Variants in PHF20 observed in about 807,000 individuals in gnomAD.
PHF20 encodes PHD finger protein 20, also known as glioma-expressed antigen 2.
In PHF20, 23 loss-of-function variants were observed where a neutral mutation model predicts 113.5. The observed-to-expected ratio is 0.20, with a 90% confidence interval of 0.15 to 0.29. The LOEUF (loss-of-function observed/expected upper bound fraction) is 0.29, where lower values mean the gene tolerates loss of function less well. Ranked by LOEUF, PHF20 falls within the 10% of genes least tolerant of loss-of-function variation. The pLI, the probability that PHF20 is intolerant of heterozygous loss-of-function variation, is 1.00. For missense variants in PHF20, 943 were observed against 1,219.6 expected (o/e 0.77, Z 3.38); for synonymous variants, 434 against 457.3 (o/e 0.95, Z 0.65).
intron 2 of PHF20, among the ~76,000 whole-genome samples, chr20:35,824,088 G>A (rs970803077): frequency 1.1e-4 from 17 of 152,098 alleles, no homozygotes; most frequent in African/African-American, 4.1e-4. Flanking sequence ...AAATACCAGC[G>A]AGCTGGATTG....
chr20:35,945,570 G>A (rs2147139259), intron 17 of PHF20, among the ~76,000 whole-genome samples: 1 of 152,220 alleles, frequency 6.6e-6, no homozygotes, highest in Middle Eastern at 3.4e-3. Flanking sequence ...TGATGAAGAG[G>A]TACTGGGTGG....
chr20:35,894,911 A>G (rs368489107), intron 9 of PHF20, among the ~76,000 whole-genome samples: 2 of 152,166 alleles, frequency 1.3e-5, no homozygotes, highest in Admixed American at 1.3e-4. Flanking sequence ...GCTAGAGTGC[A>G]ATGGCACAAT....
At chr20:35,889,938 A>G (rs1039332054) in intron 9 of PHF20, among the ~76,000 whole-genome samples, 7 of 152,046 alleles carry the variant, frequency 4.6e-5, no homozygotes, top group African/African-American at 1.7e-4. Context: ...CATGTTGTCC[A>G]GGCTGGTCTT....
chr20:35,836,592 C>T (rs1361903052), intron 2 of PHF20, among the ~76,000 whole-genome samples: 1 of 152,148 alleles, frequency 6.6e-6, no homozygotes, highest in South Asian at 2.1e-4. Context: ...CGCCTGTAAT[C>T]GCAGCACTTT....
intron 15 of PHF20, among the ~76,000 whole-genome samples, chr20:35,931,951 C>CA (rs1046023916): frequency 5.7e-4 from 79 of 137,500 alleles, no homozygotes; most frequent in African/African-American, 8.5e-4. Context: ...AACTCCGTCT[C>CA]AAAAAAAAAA....
chr20:35,780,145 C>G (rs1368481359), intron 1 of PHF20, among the ~76,000 whole-genome samples: 3 of 151,262 alleles, frequency 2.0e-5, no homozygotes, highest in African/African-American at 7.3e-5. Context: ...TTGAGTAAGT[C>G]ATTTTAACTA....
At chr20:35,864,105 G>A (rs2054269209) in intron 6 of PHF20, among the ~76,000 whole-genome samples, 1 of 152,102 alleles carries the variant, frequency 6.6e-6, no homozygotes, top group Non-Finnish European at 1.5e-5. Flanking sequence ...GGCCCCCCCG[G>A]TTCTCTGGAC....
chr20:35,934,771 G>A (rs2055833370), intron 15 of PHF20, among the ~76,000 whole-genome samples: 2 of 152,192 alleles, frequency 1.3e-5, no homozygotes, highest in Non-Finnish European at 2.9e-5. Context: ...TTGGATGCTG[G>A]GGCAATTAGC....
At chr20:35,818,110 TC>T (rs1234296732) in intron 2 of PHF20, among the ~76,000 whole-genome samples, 1 of 151,778 alleles carries the variant, frequency 6.6e-6, no homozygotes, top group African/African-American at 2.4e-5. Context: ...ATGGTGAAAC[TC>T]CGTCTCTACT....
intron 13 of PHF20, among the ~76,000 whole-genome samples, chr20:35,923,591 C>T (rs1212284529): frequency 6.6e-6 from 1 of 152,212 alleles, no homozygotes; most frequent in East Asian, 1.9e-4. Context: ...CTTATCCCCA[C>T]CTTATCCCCA....
rs1214438380 is a variant in PHF20, at chr20:35,948,544, C to T, written c.*917C>T. 2.6e-5 allele frequency: 4 copies of T among 152,576 alleles called. No homozygotes were observed. Among genetic ancestry groups the T allele is most frequent in the African/African-American group, 7.2e-5 (3 of 41,436 alleles). 9.5% of individuals were successfully genotyped at this position (152,576 alleles called of 1,614,324 possible). Reference sequence around the variant, plus strand: ...AAACAAACTTCAAATTCTACATGTGCGACTTTTCTCCTTCCTGAAGGGTGT... The same window carrying T: ...AAACAAACTTCAAATTCTACATGTGTGACTTTTCTCCTTCCTGAAGGGTGT... On this transcript the variant is annotated 3_prime_UTR_variant, in exon 18 of 18. Coordinates refer to ENST00000374012, the MANE Select transcript of PHF20 (RefSeq NM_016436.5).
intron 9 of PHF20, among the ~76,000 whole-genome samples, chr20:35,895,750 G>A (rs936134703): frequency 2.1e-5 from 3 of 145,448 alleles, no homozygotes; most frequent in East Asian, 2.0e-4. Flanking sequence ...GCAATGGCGC[G>A]ATCTCAGCTA....
chr20:35,885,646 G>A (rs6088960), intron 9 of PHF20, among the ~76,000 whole-genome samples: 6,083 of 151,902 alleles, frequency 0.04, 174 homozygotes, highest in South Asian at 0.056. Flanking sequence ...TACCACGTAA[G>A]TGATGTTGTG....
At chr20:35,852,790 G>T (rs1162588273) in intron 4 of PHF20, among the ~76,000 whole-genome samples, 1 of 151,672 alleles carries the variant, frequency 6.6e-6, no homozygotes, top group East Asian at 2.0e-4. Flanking sequence ...GTAGAGACGG[G>T]GTTTCACCGT....
At chr20:35,829,840 C>G (rs1287632773) in intron 2 of PHF20, among the ~76,000 whole-genome samples, 2 of 147,572 alleles carry the variant, frequency 1.4e-5, no homozygotes, top group African/African-American at 5.3e-5. Flanking sequence ...TGGCCTCAAG[C>G]AATCTTCCTG....
At chr20:35,836,774 G>A (rs1424044733) in intron 2 of PHF20, among the ~76,000 whole-genome samples, 4 of 149,276 alleles carry the variant, frequency 2.7e-5, no homozygotes, top group Admixed American at 6.7e-5. Context: ...AACCCCCGGC[G>A]GGGCAGAGCC....
intron 2 of PHF20, among the ~76,000 whole-genome samples, chr20:35,831,906 C>T (rs1568624846): frequency 6.6e-6 from 1 of 152,148 alleles, no homozygotes; most frequent in Non-Finnish European, 1.5e-5. Flanking sequence ...TATTCTTCAT[C>T]CCTCATGGAG....
intron 4 of PHF20, chr20:35,850,857 G>T: frequency 8.6e-7 from 1 of 1,158,700 alleles, no homozygotes; most frequent in Non-Finnish European, 1.3e-6. Flanking sequence ...CCTTGCCATT[G>T]TTTGCTGAAT....
At chr20:35,904,866 C>A (rs550922539) in intron 10 of PHF20, among the ~76,000 whole-genome samples, 77 of 149,586 alleles carry the variant, frequency 5.1e-4, no homozygotes, top group Non-Finnish European at 9.6e-4. Context: ...ACTCTTGTTG[C>A]CCAGGCTGGA....
Sources: allele counts gnomAD v4.1 joint callset (sites outside exome capture counted in the v4.1 genomes callset), GRCh38; gene constraint gnomAD v4.1.1; transcripts MANE v1.5; gene names NCBI Gene and HGNC (gene_info 2026-07-23, HGNC 2026-07-21).